The following TTC29 variants were observed in gnomAD, a reference collection of about 807,000 sequenced individuals.
TTC29 encodes the protein tetratricopeptide repeat protein 29.
Under a neutral mutation model 58.1 loss-of-function variants are expected in TTC29, and 49 were observed. The observed-to-expected ratio is 0.84, with a 90% CI of 0.67 to 1.07. The LOEUF is 1.07. TTC29 is among the 50% of genes least tolerant of loss of function. The pLI, the probability that TTC29 is intolerant of heterozygous loss-of-function variation, is 0.00. For synonymous variants in TTC29, 209 were observed against 196.8 expected (o/e 1.06, Z -0.52); for missense variants, 582 against 555.6 (o/e 1.05, Z -0.48).
chr4:146,752,736 G>C (rs1413688993), intron 11 of TTC29, among the ~76,000 whole-genome samples: 2 of 152,076 alleles, frequency 1.3e-5, no homozygotes, highest in Non-Finnish European at 2.9e-5. Context: ...AGAGCTCTCA[G>C]AAATAATGCC....
At chr4:146,791,832 G>A (rs1579683089) in intron 11 of TTC29, among the ~76,000 whole-genome samples, 1 of 152,174 alleles carries the variant, frequency 6.6e-6, no homozygotes, top group Admixed American at 6.5e-5. Context: ...CAAAACAGCT[G>A]TATTGCTGAT....
At chr4:146,897,938 T>C (rs1163880888) in intron 6 of TTC29, among the ~76,000 whole-genome samples, 1 of 152,180 alleles carries the variant, frequency 6.6e-6, no homozygotes, top group Non-Finnish European at 1.5e-5. Flanking sequence ...GAATGACCCC[T>C]GGAAAACTGA....
intron 9 of TTC29, among the ~76,000 whole-genome samples, chr4:146,829,831 T>A (rs1419793861): frequency 6.6e-6 from 1 of 152,180 alleles, no homozygotes. Context: ...GATGGGTTAG[T>A]TGTGACCAAT....
intron 6 of TTC29, among the ~76,000 whole-genome samples, chr4:146,879,816 G>C (rs894626267): frequency 2.6e-5 from 4 of 152,106 alleles, no homozygotes; most frequent in Admixed American, 2.6e-4. Flanking sequence ...TTTTACCAAC[G>C]TATCACAAAT....
At chr4:146,820,042 G>A (rs1338392016) in intron 10 of TTC29, 83 bp downstream of exon 10, 2 of 1,542,126 alleles carry the variant, frequency 1.3e-6, no homozygotes, top group South Asian at 1.1e-5. Context: ...AGACAAGGAT[G>A]ACATGAGAAG....
chr4:146,766,141 T>C (rs547299023), intron 11 of TTC29, among the ~76,000 whole-genome samples: 1 of 152,198 alleles, frequency 6.6e-6, no homozygotes, highest in East Asian at 1.9e-4. Flanking sequence ...TATTCTAGTG[T>C]ATGAATGGCC....
intron 8 of TTC29, among the ~76,000 whole-genome samples, chr4:146,849,672 GAA>G (rs375432427): frequency 6.9e-6 from 1 of 145,142 alleles, no homozygotes; most frequent in Non-Finnish European, 1.5e-5. Flanking sequence ...TTTTCACTTA[GAA>G]AAAAAAAAAG....
chr4:146,738,586 A>G (rs1744891895), intron 11 of TTC29, among the ~76,000 whole-genome samples: 1 of 152,002 alleles, frequency 6.6e-6, no homozygotes, highest in African/African-American at 2.4e-5. Context: ...TTTCTCATCC[A>G]CAGTTCCCGG....
chr4:146,886,323 C>A (rs1041392545), intron 6 of TTC29, among the ~76,000 whole-genome samples: 1 of 152,096 alleles, frequency 6.6e-6, no homozygotes, highest in African/African-American at 2.4e-5. Flanking sequence ...GTTAGAAATC[C>A]GTCCAATCCT....
chr4:146,875,607 C>T (rs1262209459), intron 6 of TTC29, among the ~76,000 whole-genome samples: 1 of 152,140 alleles, frequency 6.6e-6, no homozygotes, highest in Non-Finnish European at 1.5e-5. Context: ...ACCTCAGCCT[C>T]CCAATTTCAT....
At chr4:146,918,824 C>T (rs528071165) in intron 4 of TTC29, among the ~76,000 whole-genome samples, 1 of 151,144 alleles carries the variant, frequency 6.6e-6, no homozygotes, top group African/African-American at 2.4e-5. Context: ...AAAATAGTTA[C>T]CCACGGTAGC....
At chr4:146,739,023 A>T (rs1183234944) in intron 11 of TTC29, among the ~76,000 whole-genome samples, 1 of 152,218 alleles carries the variant, frequency 6.6e-6, no homozygotes, top group Admixed American at 6.5e-5. Context: ...TTTGGAGCAC[A>T]ATTTTGGCAA....
chr4:146,785,516 G>C (rs574128794), intron 11 of TTC29, among the ~76,000 whole-genome samples: 1 of 152,100 alleles, frequency 6.6e-6, no homozygotes, highest in Non-Finnish European at 1.5e-5. Flanking sequence ...ATTTTCTTCT[G>C]CTCTATCCTC....
At chr4:146,835,987 A>G (rs17609928) in intron 8 of TTC29, among the ~76,000 whole-genome samples, 9,566 of 152,228 alleles carry the variant, frequency 0.063, 404 homozygotes, top group Admixed American at 0.13. Context: ...AGACAGATGC[A>G]GCCTGCTGAA....
chr4:146,824,079 T>C (rs1404343243), intron 9 of TTC29, among the ~76,000 whole-genome samples: 2 of 152,196 alleles, frequency 1.3e-5, no homozygotes, highest in Non-Finnish European at 2.9e-5. Flanking sequence ...TCTTCCTCTT[T>C]GAATACCCTT....
Position 146,746,626 on chromosome 4 carries a change from G to A in TTC29, c.1331-39075C>T, listed in dbSNP as rs190176888. The stretch of plus-strand genomic sequence containing the variant: ...ATAGTATTTTCAAGCAATTTTTATT[G>A]TGTGTGTGAGGAATTTGTCTGTCCC... On this transcript the variant is annotated intron_variant, in intron 11 of 12. Transcript: ENST00000325106. Among the ~76,000 whole-genome samples, 115 of 152,204 alleles carry A rather than the reference G, an allele frequency of 7.6e-4. 2 individuals are homozygous for A. Among genetic ancestry groups the A allele is most frequent in the African/African-American group, 2.2e-3 (93 of 41,546 alleles).
In TTC29 at chr4:146,853,928, C is replaced by T. The variant is rs537181188; in HGVS notation, c.885+13570G>A. 1.2e-4 allele frequency among the ~76,000 whole-genome samples: 19 copies of T among 152,162 alleles called. No individual in the cohort carries two copies. In the East Asian group the frequency reaches 2.7e-3, roughly 22 times the overall value. Reference sequence around the variant, plus strand: ...CCAGCACCTGGGATCTTCTGTTTGACGGCTGGGCTCATGGTAAACTGGAAT... The same window carrying T: ...CCAGCACCTGGGATCTTCTGTTTGATGGCTGGGCTCATGGTAAACTGGAAT... On this transcript the variant is annotated intron_variant, in intron 8 of 12. Transcript: ENST00000325106.
intron 6 of TTC29, among the ~76,000 whole-genome samples, chr4:146,876,607 G>A (rs1457952651): frequency 6.6e-6 from 1 of 152,130 alleles, no homozygotes; most frequent in Admixed American, 6.6e-5. Context: ...AAAACAACCA[G>A]TGGTGGTGGA....
chr4:146,935,913 G>T (rs541795912), intron 4 of TTC29, among the ~76,000 whole-genome samples: 49 of 152,190 alleles, frequency 3.2e-4, no homozygotes, highest in Non-Finnish European at 5.1e-4. Context: ...GCTGGGAGAT[G>T]CTGAAATCAT....
Sources: allele counts gnomAD v4.1 joint callset (sites outside exome capture counted in the v4.1 genomes callset), GRCh38; gene constraint gnomAD v4.1.1; transcripts MANE v1.5; gene names NCBI Gene and HGNC (gene_info 2026-07-23, HGNC 2026-07-21).